CDC25A: variants seen among roughly 807,000 people sequenced by gnomAD.
CDC25A encodes M-phase inducer phosphatase 1.
A neutral mutation model predicts 64.6 loss-of-function variants in CDC25A; 17 were observed. That is an observed-to-expected ratio of 0.26 (90% confidence interval 0.18 to 0.39). CDC25A has a LOEUF of 0.39. Ranked by LOEUF, CDC25A falls within the 10% of genes least tolerant of loss-of-function variation. CDC25A has a pLI of 1.00. For missense variants in CDC25A, 473 were observed against 654.8 expected, an observed-to-expected ratio of 0.72 and a Z score of 3.03; for synonymous variants, 229 against 238.6, an observed-to-expected ratio of 0.96 and a Z score of 0.37.
Position 48,173,555 on chromosome 3 carries a change from T to C in CDC25A, c.930+729A>G, listed in dbSNP as rs137910811. Reference sequence around the variant, plus strand: ...ATTCTACTAGTCAACACAGAAACAATTATGGCCAACAGCAAGCGGGGGCCT... The same window carrying C: ...ATTCTACTAGTCAACACAGAAACAACTATGGCCAACAGCAAGCGGGGGCCT... On this transcript the variant is annotated intron_variant, in intron 9 of 14. Transcript: ENST00000302506. 2.5e-3 allele frequency among the ~76,000 whole-genome samples: 375 copies of C among 152,212 alleles called. 1 individual carries two copies. The highest frequency in any genetic ancestry group is 4.2e-3 in the Admixed American group (64 of 15,268).
chr3:48,186,623 C>A (rs2032854257), intron 2 of CDC25A, 80 bp downstream of exon 2: 4 of 837,528 alleles, frequency 4.8e-6, no homozygotes, highest in Non-Finnish European at 7.9e-6. Context: ...CTCAAGTTCT[C>A]ACCAAAACTA....
At chr3:48,172,812 G>A (rs765327580) in intron 9 of CDC25A, among the ~76,000 whole-genome samples, 28 of 152,022 alleles carry the variant, frequency 1.8e-4, no homozygotes, top group Non-Finnish European at 2.8e-4. Context: ...TGCAGTGAGC[G>A]GAGATCATGC....
chr3:48,176,207 T>C (rs1459210342), intron 8 of CDC25A, among the ~76,000 whole-genome samples: 1 of 152,058 alleles, frequency 6.6e-6, no homozygotes, highest in Non-Finnish European at 1.5e-5. Flanking sequence ...AAAAAAACTG[T>C]AGCTCATTTG....
At chr3:48,162,193 G>C (rs560727746) in intron 13 of CDC25A, among the ~76,000 whole-genome samples, 6 of 152,238 alleles carry the variant, frequency 3.9e-5, no homozygotes, top group Admixed American at 6.5e-5. Context: ...CCTGTGTGTA[G>C]AGCATGTACA....
At chr3:48,175,668 A>G (rs1392797721) in intron 8 of CDC25A, among the ~76,000 whole-genome samples, 2 of 152,194 alleles carry the variant, frequency 1.3e-5, no homozygotes, top group African/African-American at 4.8e-5. Flanking sequence ...ACATTTCCCC[A>G]CTATTAAGAG....
chr3:48,159,313 G>C (rs764207971), intron 14 of CDC25A, 31 bp downstream of exon 14: 2 of 1,488,462 alleles, frequency 1.3e-6, no homozygotes, highest in Non-Finnish European at 1.9e-6. Context: ...GGGCAGGGGA[G>C]GAGAGATGCT....
At position 48,159,445 on chromosome 3, in the gene CDC25A, C is replaced by T; in HGVS notation, c.1333G>A (p.Val445Met). 1 of 1,612,894 alleles carries T rather than the reference C, an allele frequency of 6.2e-7. No homozygotes were observed. The highest frequency in any genetic ancestry group is 8.5e-7 in the Non-Finnish European group (1 of 1,178,908). ...SERGPRMCRY[V>M]RERDRLGNEY... ...TTACCCAGGCGATCTCTCTCTCTCA[C>T]ATACCGGCACCTAGTCAGGGGAAGG... The change falls in exon 14 of 15, where the codon GTG (valine) becomes ATG (methionine). Residue 445 changes from valine to methionine, a missense_variant. Physicochemically the swap from Val to Met is conservative, Grantham distance 21 (BLOSUM62 1). Transcript: ENST00000302506.
At chr3:48,186,362 A>C (rs916916525) in intron 2 of CDC25A, among the ~76,000 whole-genome samples, 3 of 152,160 alleles carry the variant, frequency 2.0e-5, no homozygotes, top group Non-Finnish European at 4.4e-5. Context: ...TGAGGTTGTG[A>C]ATTCGAGACC....
chr3:48,175,106 C>G (rs1489053775), intron 8 of CDC25A, among the ~76,000 whole-genome samples: 1 of 152,096 alleles, frequency 6.6e-6, no homozygotes, highest in Non-Finnish European at 1.5e-5. Context: ...AACAGCCTGG[C>G]CAACATGAAG....
At chr3:48,187,370 G>A (rs2032878992) in intron 1 of CDC25A, among the ~76,000 whole-genome samples, 1 of 152,234 alleles carries the variant, frequency 6.6e-6, no homozygotes, top group Non-Finnish European at 1.5e-5. Context: ...CCTTTGTTGA[G>A]AAGGAACAAA....
At chr3:48,180,577 G>A in intron 6 of CDC25A, 144 bp downstream of exon 6, 1 of 808,214 alleles carries the variant, frequency 1.2e-6, no homozygotes. Context: ...AAACCACCAA[G>A]AATGCTTGAC....
At chr3:48,160,147 C>G (rs1167049465) in intron 13 of CDC25A, among the ~76,000 whole-genome samples, 1 of 152,190 alleles carries the variant, frequency 6.6e-6, no homozygotes, top group Non-Finnish European at 1.5e-5. Context: ...GAATCTCACT[C>G]TGTCACCAGG....
At chr3:48,186,926 C>T (rs759330232) in intron 1 of CDC25A, 147 bp from the exon 2 acceptor site, 40 of 599,766 alleles carry the variant, frequency 6.7e-5, no homozygotes, top group Non-Finnish European at 1.1e-4. Flanking sequence ...TCCCACTTTG[C>T]CACTCTGAAC....
At chr3:48,166,036 G>T in intron 10 of CDC25A, 143 bp from the exon 11 acceptor site, 1 of 649,262 alleles carries the variant, frequency 1.5e-6, no homozygotes, top group Non-Finnish European at 2.7e-6. Flanking sequence ...TGTAATCCCA[G>T]CACTTTGGGA....
intron 8 of CDC25A, chr3:48,174,660 T>C: frequency 2.0e-6 from 1 of 502,460 alleles, no homozygotes; most frequent in Non-Finnish European, 3.5e-6. Context: ...TCAATGAATA[T>C]ATACTCAGCT....
rs776464293 is a variant in CDC25A, at chr3:48,182,913, T to C, written c.429+16A>G. The C allele has an allele frequency of 4.5e-5, 70 of 1,540,492 alleles. No homozygotes were observed. Among genetic ancestry groups the C allele is most frequent in the East Asian group, 2.2e-4 (10 of 44,528 alleles). ...TTCACCTCTGCCTCAGGTTAGTACA[T>C]TGAAGTCACACTCACATTTTCCTTG... On this transcript the variant is annotated intron_variant, in intron 5 of 14. Coordinates refer to ENST00000302506, the MANE Select transcript of CDC25A (RefSeq NM_001789.3).
chr3:48,173,793 A>G (rs1458475401), intron 9 of CDC25A, among the ~76,000 whole-genome samples: 1 of 152,196 alleles, frequency 6.6e-6, no homozygotes, highest in Non-Finnish European at 1.5e-5. Flanking sequence ...AGACTCACAA[A>G]TATACAGGAG....
intron 4 of CDC25A, 74 bp from the exon 5 acceptor site, chr3:48,183,104 A>G: frequency 9.7e-7 from 1 of 1,027,048 alleles, no homozygotes; most frequent in Admixed American, 1.9e-5. Flanking sequence ...TCTCAAAAGA[A>G]AAAAAAGGGG....
intron 5 of CDC25A, chr3:48,181,434 C>T (rs1313706516): frequency 4.7e-6 from 3 of 633,516 alleles, no homozygotes; most frequent in East Asian, 5.5e-5. Flanking sequence ...AAAATATTCA[C>T]TTAAGAACTC....
Sources: gnomAD v4.1 joint callset for allele counts (sites outside exome capture counted in the v4.1 genomes callset) on GRCh38, gnomAD v4.1.1 for gene constraint, MANE v1.5 for transcripts, NCBI Gene and HGNC (gene_info 2026-07-23, HGNC 2026-07-21) for gene names.